CACNA1C: variants seen among roughly 807,000 people sequenced by gnomAD.
CACNA1C encodes the protein calcium voltage-gated channel subunit alpha1 C, also known as voltage-dependent L-type calcium channel subunit alpha-1C.
In CACNA1C, 30 loss-of-function variants were observed where a neutral mutation model predicts 229.0. The ratio of observed to expected loss-of-function variants is 0.13; its 90% CI spans 0.10 to 0.18. CACNA1C has a LOEUF of 0.18. Among genes scored for constraint, CACNA1C ranks in the 10% least tolerant of loss-of-function variants. CACNA1C has a pLI of 1.00. For missense variants in CACNA1C, 1,658 were observed against 2,845.0 expected, an observed-to-expected ratio of 0.58 and a Z score of 9.49; for synonymous variants, 1,114 against 1,132.5, an observed-to-expected ratio of 0.98 and a Z score of 0.33.
intron 5 of CACNA1C, among the ~76,000 whole-genome samples, chr12:2,471,460 T>C (rs1167483275): frequency 1.3e-5 from 2 of 152,250 alleles, no homozygotes; most frequent in African/African-American, 4.8e-5. Context: ...TCTGGTATCA[T>C]TTCCCCTTAT....
rs2092924288 is a variant in CACNA1C at position 2,287,791 on chromosome 12, A to G, written c.478-161185A>G. ...CAGTGGCTCCAGGATGGAGCTTGAG[A>G]ATTTGCATTTCTAACAAGCTCCCAG... On this transcript the variant is annotated intron_variant, in intron 3 of 46. Coordinates refer to ENST00000399655, the MANE Select transcript of CACNA1C (RefSeq NM_000719.7). This position sits in a 1 kb window ranked among gnomAD's most constrained non-coding sequence, Gnocchi z 4.6. Among the ~76,000 whole-genome samples the G allele has an allele frequency of 6.6e-6, 1 of 152,096 alleles. No homozygotes were observed. The highest frequency in any genetic ancestry group is 1.5e-5 in the Non-Finnish European group (1 of 68,008).
chr12:2,403,822 G>A lies in CACNA1C; in HGVS notation c.478-45154G>A, dbSNP rs1019215351. Reference sequence around the variant, plus strand: ...CCCACCACAAGATGACGAAGATGTGGTGTTGACAGACTGCTGGTGTCCGTG... The same window carrying A: ...CCCACCACAAGATGACGAAGATGTGATGTTGACAGACTGCTGGTGTCCGTG... On this transcript the variant is annotated intron_variant, in intron 3 of 46. Coordinates refer to ENST00000399655, the MANE Select transcript of CACNA1C (RefSeq NM_000719.7). This position sits in a 1 kb window ranked among gnomAD's most constrained non-coding sequence, Gnocchi z 4.1. Among the ~76,000 whole-genome samples, 1 of 152,182 alleles carries A rather than the reference G, an allele frequency of 6.6e-6. No individual in the cohort carries two copies. The highest frequency in any genetic ancestry group is 1.5e-5 in the Non-Finnish European group (1 of 68,028).
chr12:2,004,475 C>A, intron 1 of CACNA1C: 1 of 1,568,092 alleles, frequency 6.4e-7, no homozygotes. Flanking sequence ...TTGGAAGCCA[C>A]TCTCAATAGA....
chr12:2,588,666 A>T (rs567185685), intron 18 of CACNA1C, among the ~76,000 whole-genome samples: 1 of 152,322 alleles, frequency 6.6e-6, no homozygotes, highest in Admixed American at 6.5e-5. Flanking sequence ...TCTCTGTTTC[A>T]TCTGAAAAGC....
At chr12:2,379,220 C>A (rs1286299517) in intron 3 of CACNA1C, among the ~76,000 whole-genome samples, 7 of 152,150 alleles carry the variant, frequency 4.6e-5, no homozygotes, top group Non-Finnish European at 1.0e-4. Context: ...TTTTCTGGGT[C>A]CTGACTGATA....
intron 9 of CACNA1C, among the ~76,000 whole-genome samples, chr12:2,523,171 G>A (rs1214820430): frequency 6.7e-6 from 1 of 148,920 alleles, no homozygotes; most frequent in Non-Finnish European, 1.5e-5. Context: ...GCTGGTAGTA[G>A]GGCATGGGTT....
At position 2,467,802 on chromosome 12, in the gene CACNA1C, A is replaced by G. The variant is rs2099568401; in HGVS notation, c.757+10096A>G. Among the ~76,000 whole-genome samples the G allele has an allele frequency of 6.6e-6, 1 of 152,120 alleles. No homozygotes were observed. The highest frequency in any genetic ancestry group is 2.1e-4 in the South Asian group (1 of 4,810). ...GCAACTCTCTTCCCGGCATCCTCCC[A>G]GGTGCCCCTGAAAGACGCCTGGGCC... On this transcript the variant is annotated intron_variant, in intron 5 of 46. Coordinates refer to ENST00000399655, the MANE Select transcript of CACNA1C (RefSeq NM_000719.7). This position sits in a 1 kb window ranked among gnomAD's most constrained non-coding sequence, Gnocchi z 4.6.
intron 3 of CACNA1C, among the ~76,000 whole-genome samples, chr12:2,352,364 TA>T (rs1042913186): frequency 1.3e-5 from 2 of 152,204 alleles, no homozygotes; most frequent in South Asian, 2.1e-4. Context: ...ATTCTTATGC[TA>T]AAAAAAGTCT....
At chr12:2,204,245 GTCT>G (rs1376585163) in intron 3 of CACNA1C, among the ~76,000 whole-genome samples, 1 of 152,028 alleles carries the variant, frequency 6.6e-6, no homozygotes, top group African/African-American at 2.4e-5. Context: ...CTGCATAAAT[GTCT>G]TCTTTTGAGA....
At chr12:1,983,775 G>A (rs1383132764) in intron 1 of CACNA1C, among the ~76,000 whole-genome samples, 1 of 151,662 alleles carries the variant, frequency 6.6e-6, no homozygotes, top group Non-Finnish European at 1.5e-5. Context: ...TATACTTGCT[G>A]TTTTCTGTCC....
chr12:2,628,350 G>A (rs1381528298), intron 29 of CACNA1C, among the ~76,000 whole-genome samples: 3 of 152,318 alleles, frequency 2.0e-5, no homozygotes, highest in Admixed American at 2.0e-4. Context: ...CTTACAAAAT[G>A]CAGCCGTGAC....
chr12:2,385,919 C>T (rs1288079181), intron 3 of CACNA1C, among the ~76,000 whole-genome samples: 1 of 152,182 alleles, frequency 6.6e-6, no homozygotes, highest in Non-Finnish European at 1.5e-5. Context: ...CAGGAGAGGC[C>T]ATCGCTTCCA....
chr12:2,081,533 T>A (rs1257780992), intron 1 of CACNA1C, among the ~76,000 whole-genome samples: 1 of 151,210 alleles, frequency 6.6e-6, no homozygotes, highest in African/African-American at 2.4e-5. Flanking sequence ...ATCGCGCCAC[T>A]GCACTCCAGC....
At chr12:2,641,991 T>G (rs988816863) in intron 30 of CACNA1C, among the ~76,000 whole-genome samples, 4 of 152,032 alleles carry the variant, frequency 2.6e-5, no homozygotes. Context: ...GCTTGTTGTG[T>G]GAACTGGTGT....
At chr12:2,149,435 A>G (rs746223734) in intron 3 of CACNA1C, among the ~76,000 whole-genome samples, 2 of 152,194 alleles carry the variant, frequency 1.3e-5, no homozygotes, top group Non-Finnish European at 2.9e-5. Flanking sequence ...TGCAAGACAT[A>G]TCTCTACTGG....
At chr12:2,544,368 A>T (rs1468027128) in intron 9 of CACNA1C, among the ~76,000 whole-genome samples, 5 of 152,292 alleles carry the variant, frequency 3.3e-5, no homozygotes, top group Non-Finnish European at 7.3e-5. Flanking sequence ...AAAACCTAAG[A>T]TTTGGGTTGC....
chr12:2,570,043 A>T (rs2053502908), intron 13 of CACNA1C, among the ~76,000 whole-genome samples: 1 of 152,222 alleles, frequency 6.6e-6, no homozygotes, highest in Non-Finnish European at 1.5e-5. Context: ...TGAGATGCAG[A>T]CCTGACTTGC....
intron 7 of CACNA1C, among the ~76,000 whole-genome samples, chr12:2,500,145 C>T (rs750913816): frequency 1.3e-5 from 2 of 152,292 alleles, no homozygotes; most frequent in Middle Eastern, 3.4e-3. Flanking sequence ...TTCCTGCCCT[C>T]GCCTGCTGTT....
chr12:2,678,627 CAG>C lies in CACNA1C; in HGVS notation c.5091+761_5091+762del, dbSNP rs535055005. On this transcript the variant is annotated intron_variant, in intron 41 of 46. Coordinates refer to ENST00000399655, the MANE Select transcript of CACNA1C (RefSeq NM_000719.7). This position sits in a 1 kb window ranked among gnomAD's most constrained non-coding sequence, Gnocchi z 4.1. ...CCCAGTTCCCAGGCTGTGGAACACA[CAG>C]GGGGCAAGCTGAGCCCATCCTGCCC... Among the ~76,000 whole-genome samples the C allele has an allele frequency of 3.1e-3, 471 of 152,352 alleles. 1 individual carries two copies. The highest frequency in any genetic ancestry group is 0.01 in the African/African-American group (426 of 41,596).
Sources: gnomAD v4.1 joint callset for allele counts (sites outside exome capture counted in the v4.1 genomes callset) on GRCh38, gnomAD v4.1.1 for gene constraint, Gnocchi (gnomAD v3.1) non-coding constraint, MANE v1.5 for transcripts, NCBI Gene and HGNC (gene_info 2026-07-23, HGNC 2026-07-21) for gene names.